Variants in BAIAP2L1 observed in about 807,000 individuals in gnomAD.
BAIAP2L1 encodes the protein BAR/IMD domain-containing adapter protein 2-like 1.
BAIAP2L1 carries 35 observed loss-of-function variants against 66.3 expected under a neutral mutation model. The observed-to-expected ratio is 0.53, with a 90% CI of 0.40 to 0.70. BAIAP2L1 has a LOEUF of 0.70. BAIAP2L1 is among the 30% of genes least tolerant of loss of function. The pLI is 0.00. For missense variants in BAIAP2L1, 622 were observed against 656.9 expected (o/e 0.95, Z 0.58); for synonymous variants, 269 against 248.7 (o/e 1.08, Z -0.77).
chr7:98,334,367 C>T, intron 3 of BAIAP2L1, among the ~76,000 whole-genome samples: 1 of 152,172 alleles, frequency 6.6e-6, no homozygotes, highest in African/African-American at 2.4e-5. Context: ...TATGCCTCTT[C>T]AGTCACCTAG....
At chr7:98,346,343 C>T (rs1256798124) in intron 3 of BAIAP2L1, among the ~76,000 whole-genome samples, 1 of 152,074 alleles carries the variant, frequency 6.6e-6, no homozygotes, top group African/African-American at 2.4e-5. Flanking sequence ...ATAAAAAATA[C>T]AAAGTAGTGC....
intron 1 of BAIAP2L1, 98 bp downstream of exon 1, chr7:98,400,704 G>C (rs943309464): frequency 4.4e-6 from 6 of 1,358,204 alleles, no homozygotes; most frequent in Non-Finnish European, 6.2e-6. Flanking sequence ...CGGGGGAGGG[G>C]AGCTGGAGGG....
intron 1 of BAIAP2L1, among the ~76,000 whole-genome samples, chr7:98,368,275 C>T (rs960563585): frequency 6.6e-6 from 1 of 151,866 alleles, no homozygotes; most frequent in Non-Finnish European, 1.5e-5. Context: ...CAAAAATTAG[C>T]GGGCGTGGTG....
chr7:98,373,297 G>T (rs1285732275), intron 1 of BAIAP2L1, among the ~76,000 whole-genome samples: 1 of 152,118 alleles, frequency 6.6e-6, no homozygotes, highest in Non-Finnish European at 1.5e-5. Context: ...TTTCCTTTGA[G>T]GTATTGAGTT....
rs755438315 is a variant in BAIAP2L1, at chr7:98,304,258, C to A, written c.1360G>T (p.Asp454Tyr). Residue 454 changes from aspartate to tyrosine, a missense_variant, in exon 12 of 14, where the codon GAT becomes TAT. Physicochemically the swap from Asp to Tyr is radical, Grantham distance 160 (BLOSUM62 -3). Coordinates refer to ENST00000005260, the MANE Select transcript of BAIAP2L1 (RefSeq NM_018842.5). Reference sequence around the variant, plus strand: ...AAGGTGGATGTCGTCCTGGCCGAATCTGCTCTCCTGTCGGCAGCTGCCCCC... The same window carrying A: ...AAGGTGGATGTCGTCCTGGCCGAATATGCTCTCCTGTCGGCAGCTGCCCCC... ...SMGAAADRRA[D>Y]SARTTSTFKA... The A allele has an allele frequency of 1.9e-6, 3 of 1,613,748 alleles. 1 individual carries two copies. Among genetic ancestry groups the A allele is most frequent in the South Asian group, 2.2e-5 (2 of 91,002 alleles).
intron 3 of BAIAP2L1, among the ~76,000 whole-genome samples, chr7:98,354,088 C>T (rs1802067388): frequency 6.6e-6 from 1 of 152,112 alleles, no homozygotes; most frequent in Non-Finnish European, 1.5e-5. Context: ...TATGGTCTAC[C>T]GTGTGCCTAT....
At chr7:98,374,951 G>A (rs925318074) in intron 1 of BAIAP2L1, among the ~76,000 whole-genome samples, 2 of 152,078 alleles carry the variant, frequency 1.3e-5, no homozygotes, top group African/African-American at 4.8e-5. Context: ...GCTGGGCGTA[G>A]CAGTGTGTAC....
chr7:98,333,160 T>C (rs934668039), intron 3 of BAIAP2L1, among the ~76,000 whole-genome samples: 6 of 152,110 alleles, frequency 3.9e-5, no homozygotes, highest in African/African-American at 1.4e-4. Flanking sequence ...CAGTGGCCCC[T>C]TGCCTTATTA....
At chr7:98,321,673 A>G (rs933067460) in intron 3 of BAIAP2L1, among the ~76,000 whole-genome samples, 3 of 152,154 alleles carry the variant, frequency 2.0e-5, no homozygotes, top group African/African-American at 7.2e-5. Context: ...CGGGTTTCCT[A>G]GGGTCTGACA....
chr7:98,313,982 C>CTTTTTTTTT (rs35599338), intron 7 of BAIAP2L1, among the ~76,000 whole-genome samples: 1 of 100,940 alleles, frequency 9.9e-6, no homozygotes, highest in Admixed American at 1.3e-4. Flanking sequence ...CTTTTTCTTC[C>CTTTTTTTTT]TTTTTTTTTT....
intron 3 of BAIAP2L1, among the ~76,000 whole-genome samples, chr7:98,335,256 T>G (rs953297698): frequency 1.3e-5 from 2 of 151,850 alleles, no homozygotes; most frequent in African/African-American, 4.8e-5. Context: ...CTCTGTTCCC[T>G]TCTCCAGAAA....
At chr7:98,302,267 A>G (rs1373004159) in intron 12 of BAIAP2L1, among the ~76,000 whole-genome samples, 1 of 152,228 alleles carries the variant, frequency 6.6e-6, no homozygotes, top group East Asian at 1.9e-4. Context: ...ATACGCTGAC[A>G]ATGACACGTT....
At chr7:98,400,236 G>A (rs1457441875) in intron 1 of BAIAP2L1, 1 of 136,248 alleles carries the variant, frequency 7.3e-6, no homozygotes, top group Non-Finnish European at 1.5e-5. Context: ...CCAGAGCTCT[G>A]AGGGTCAGGG....
chr7:98,352,219 T>C (rs904698459), intron 3 of BAIAP2L1, among the ~76,000 whole-genome samples: 25 of 152,250 alleles, frequency 1.6e-4, no homozygotes, highest in African/African-American at 5.3e-4. Flanking sequence ...TGAGATAGCA[T>C]TGTACCATGG....
chr7:98,358,676 G>A (rs1802197400), intron 2 of BAIAP2L1, among the ~76,000 whole-genome samples: 1 of 152,096 alleles, frequency 6.6e-6, no homozygotes, highest in Admixed American at 6.6e-5. Context: ...TTTAGTGGTT[G>A]GCCAACTACT....
At chr7:98,399,626 A>AGG (rs1247108133) in intron 1 of BAIAP2L1, among the ~76,000 whole-genome samples, 1 of 152,226 alleles carries the variant, frequency 6.6e-6, no homozygotes, top group Non-Finnish European at 1.5e-5. Flanking sequence ...AAGGGTTCGA[A>AGG]GCGCCTAGGC....
At chr7:98,345,462 C>T (rs571030861) in intron 3 of BAIAP2L1, among the ~76,000 whole-genome samples, 44 of 152,030 alleles carry the variant, frequency 2.9e-4, no homozygotes, top group African/African-American at 9.6e-4. Flanking sequence ...CGGTGGCTCA[C>T]GCCTGTAATC....
At chr7:98,367,699 C>T (rs186050200) in intron 1 of BAIAP2L1, among the ~76,000 whole-genome samples, 10 of 152,180 alleles carry the variant, frequency 6.6e-5, no homozygotes, top group Admixed American at 2.6e-4. Context: ...CCACGCCCGG[C>T]TAATTTTTTG....
chr7:98,348,631 T>C (rs886267360), intron 3 of BAIAP2L1, among the ~76,000 whole-genome samples: 2 of 151,980 alleles, frequency 1.3e-5, no homozygotes, highest in Admixed American at 6.6e-5. Flanking sequence ...TATTACTTAC[T>C]TTATGAGAAG....
Sources: allele counts gnomAD v4.1 joint callset (sites outside exome capture counted in the v4.1 genomes callset), GRCh38; gene constraint gnomAD v4.1.1; transcripts MANE v1.5; gene names NCBI Gene and HGNC (gene_info 2026-07-23, HGNC 2026-07-21).